RPAP2: variants seen among roughly 807,000 people sequenced by gnomAD.
RPAP2 encodes RNA polymerase II associated protein 2.
RPAP2 carries 52 observed loss-of-function variants against 73.1 expected under a neutral mutation model. The ratio of observed to expected loss-of-function variants is 0.71; its 90% CI spans 0.57 to 0.90. RPAP2 has a LOEUF of 0.90. Among genes scored for constraint, RPAP2 ranks in the 40% least tolerant of loss-of-function variants. The pLI, the probability that RPAP2 is intolerant of heterozygous loss-of-function variation, is 0.00. For missense variants in RPAP2, 598 were observed against 701.8 expected, an observed-to-expected ratio of 0.85 and a Z score of 1.67; for synonymous variants, 225 against 242.1, an observed-to-expected ratio of 0.93 and a Z score of 0.65.
intron 12 of RPAP2, among the ~76,000 whole-genome samples, chr1:92,386,483 A>G (rs1245039428): frequency 6.6e-6 from 1 of 152,186 alleles, no homozygotes; most frequent in Non-Finnish European, 1.5e-5. Context: ...AGCTAATGAA[A>G]TCATTCTGGC....
intron 10 of RPAP2, among the ~76,000 whole-genome samples, chr1:92,340,101 A>G (rs929754484): frequency 1.3e-5 from 2 of 152,244 alleles, no homozygotes; most frequent in African/African-American, 4.8e-5. Context: ...CCAAAAAAGT[A>G]TGCTTTATTT....
intron 11 of RPAP2, among the ~76,000 whole-genome samples, chr1:92,370,301 T>A (rs35580949): frequency 0.26 from 39,629 of 152,142 alleles, 6,554 homozygotes; most frequent in Non-Finnish European, 0.35. Context: ...AAGAAAATGA[T>A]AAGCTAGAAG....
chr1:92,356,265 C>A (rs1291276901), intron 11 of RPAP2, among the ~76,000 whole-genome samples: 1 of 152,082 alleles, frequency 6.6e-6, no homozygotes, highest in Non-Finnish European at 1.5e-5. Context: ...GTGTGAGCCA[C>A]CATGCCCAGC....
chr1:92,319,644 AAC>A (rs973462294), intron 6 of RPAP2, among the ~76,000 whole-genome samples: 2 of 152,140 alleles, frequency 1.3e-5, no homozygotes, highest in Non-Finnish European at 2.9e-5. Context: ...AACAATTATA[AAC>A]AGTCTCTGCC....
In RPAP2 at chr1:92,303,542, T is replaced by C. The variant is rs538577686; in HGVS notation, c.235-435T>C. ...TGCAGTAACAATGACACTTTTGAAA[T>C]ACTTTGTTTTTAAAGATTATGCTTT... is the stretch of plus-strand genomic sequence containing the variant. On this transcript the variant is annotated intron_variant, in intron 3 of 12. Transcript: ENST00000610020. 1.4e-4 allele frequency among the ~76,000 whole-genome samples: 22 copies of C among 152,352 alleles called. No individual in the cohort carries two copies. The South Asian group carries it at 3.7e-3, about 26-fold the overall frequency.
chr1:92,339,143 G>C (rs562435110), intron 10 of RPAP2, among the ~76,000 whole-genome samples: 2 of 152,022 alleles, frequency 1.3e-5, no homozygotes, highest in African/African-American at 4.8e-5. Flanking sequence ...GATCTAATTT[G>C]ATGTCTCTTT....
intron 6 of RPAP2, among the ~76,000 whole-genome samples, chr1:92,315,424 A>G (rs1246075454): frequency 6.6e-6 from 1 of 152,256 alleles, no homozygotes; most frequent in East Asian, 1.9e-4. Context: ...CCAAACTGTG[A>G]CACAGAGAAC....
intron 11 of RPAP2, among the ~76,000 whole-genome samples, chr1:92,376,301 T>C (rs548522125): frequency 2.0e-5 from 3 of 152,252 alleles, no homozygotes; most frequent in South Asian, 4.1e-4. Flanking sequence ...GAGACGACTA[T>C]ATTATATAGA....
At chr1:92,354,598 A>G (rs1654371087) in intron 11 of RPAP2, among the ~76,000 whole-genome samples, 1 of 152,238 alleles carries the variant, frequency 6.6e-6, no homozygotes, top group South Asian at 2.1e-4. Flanking sequence ...CTAAAGCATT[A>G]AATGCAAACA....
intron 3 of RPAP2, among the ~76,000 whole-genome samples, chr1:92,303,384 G>C (rs953202799): frequency 2.0e-5 from 3 of 152,062 alleles, no homozygotes; most frequent in Non-Finnish European, 4.4e-5. Flanking sequence ...AGATCTCAAA[G>C]TTATGAACAA....
intron 9 of RPAP2, among the ~76,000 whole-genome samples, chr1:92,334,704 C>T (rs1014154939): frequency 2.0e-5 from 3 of 151,686 alleles, no homozygotes; most frequent in African/African-American, 4.8e-5. Context: ...AATAAAAATT[C>T]GGCCGAGTGC....
chr1:92,372,378 A>G (rs1231709593), intron 11 of RPAP2, among the ~76,000 whole-genome samples: 1 of 152,224 alleles, frequency 6.6e-6, no homozygotes, highest in Admixed American at 6.5e-5. Flanking sequence ...TCAGTGGCAC[A>G]TAGCACTATT....
chr1:92,370,966 G>A (rs1397965526), intron 11 of RPAP2, among the ~76,000 whole-genome samples: 2 of 152,156 alleles, frequency 1.3e-5, no homozygotes, highest in African/African-American at 2.4e-5. Flanking sequence ...CAGTGGGAGT[G>A]TAAATTAGTA....
intron 12 of RPAP2, among the ~76,000 whole-genome samples, chr1:92,381,924 C>T (rs2101451136): frequency 7.7e-6 from 1 of 130,646 alleles, no homozygotes; most frequent in African/African-American, 2.8e-5. Flanking sequence ...TCCCCCACCC[C>T]CCACCCCACA....
chr1:92,358,201 A>G (rs1431473352), intron 11 of RPAP2, among the ~76,000 whole-genome samples: 2 of 152,064 alleles, frequency 1.3e-5, no homozygotes, highest in African/African-American at 4.8e-5. Flanking sequence ...TGGCCTACAT[A>G]CCCCTGTGGT....
At chr1:92,309,387 A>T (rs538957522) in intron 6 of RPAP2, among the ~76,000 whole-genome samples, 1 of 151,480 alleles carries the variant, frequency 6.6e-6, no homozygotes, top group African/African-American at 2.4e-5. Flanking sequence ...GGTTGCAGTG[A>T]GCTGAGATCG....
At position 92,350,766 on chromosome 1, in the gene RPAP2, T is replaced by C. The variant is rs537657017; in HGVS notation, c.1688+4852T>C. Among the ~76,000 whole-genome samples, 3 of 152,262 alleles carry C rather than the reference T, an allele frequency of 2.0e-5. No individual in the cohort carries two copies. In the South Asian group the frequency reaches 6.2e-4, roughly 32 times the overall value. On this transcript the variant is annotated intron_variant, in intron 11 of 12. Coordinates refer to ENST00000610020, the MANE Select transcript of RPAP2 (RefSeq NM_024813.3). Reference sequence around the variant, plus strand: ...GGCCAACGTGGTGAAACCTCATCTCTACTAAATATACAAAAATTAGCCAGG... The same window carrying C: ...GGCCAACGTGGTGAAACCTCATCTCCACTAAATATACAAAAATTAGCCAGG...
At chr1:92,338,231 A>G (rs1432461343) in intron 10 of RPAP2, among the ~76,000 whole-genome samples, 1 of 152,198 alleles carries the variant, frequency 6.6e-6, no homozygotes, top group African/African-American at 2.4e-5. Context: ...TCTAATTACT[A>G]AGATTTTTAC....
intron 11 of RPAP2, among the ~76,000 whole-genome samples, chr1:92,360,959 G>GTTAGTCACATAGTGTACAGCCACTAT (rs1654702408): frequency 1.3e-5 from 2 of 151,710 alleles, no homozygotes; most frequent in Admixed American, 6.6e-5. Context: ...GTTTAATTAT[G>GTTAGTCACATAGTGTACAGCCACTAT]GTGACTAACC....
Sources: gnomAD v4.1 joint callset for allele counts (sites outside exome capture counted in the v4.1 genomes callset) on GRCh38, gnomAD v4.1.1 for gene constraint, MANE v1.5 for transcripts, NCBI Gene and HGNC (gene_info 2026-07-23, HGNC 2026-07-21) for gene names.